The following SAMD9L variants were observed in gnomAD, a reference collection of about 807,000 sequenced individuals.
SAMD9L encodes sterile alpha motif domain-containing protein 9-like.
In SAMD9L, 68 loss-of-function variants were observed where a neutral mutation model predicts 90.7. The observed-to-expected ratio is 0.75, with a 90% CI of 0.62 to 0.92. SAMD9L has a LOEUF of 0.92. Ranked by LOEUF, SAMD9L falls within the 40% of genes least tolerant of loss-of-function variation. The pLI is 0.00. For synonymous variants in SAMD9L, 640 were observed against 630.1 expected, an observed-to-expected ratio of 1.02 and a Z score of -0.23; for missense variants, 1,604 against 1,824.3, an observed-to-expected ratio of 0.88 and a Z score of 2.20.
At position 93,132,774 on chromosome 7, in the gene SAMD9L, GTCTT is replaced by G. The variant is rs766384657; in HGVS notation, c.3194_3197del (p.Lys1065ThrfsTer6). ...TTCCTGCACTCAAGACCTTTTCAAT[GTCTT>G]TATTCTGTAAAGCTTCCATTAATGG... On this transcript the variant is annotated frameshift_variant, in exon 5 of 5. Transcript: ENST00000318238. LOFTEE classifies it high-confidence loss of function. The G allele has an allele frequency of 1.9e-6, 3 of 1,613,524 alleles. No individual in the cohort carries two copies. The African/African-American group carries it at 4.0e-5, about 22-fold the overall frequency.
intron 4 of SAMD9L, among the ~76,000 whole-genome samples, chr7:93,139,490 C>T (rs549771223): frequency 2.6e-5 from 4 of 152,156 alleles, no homozygotes; most frequent in African/African-American, 7.2e-5. Flanking sequence ...GCTTACACAC[C>T]GGGAGAACAG....
intron 3 of SAMD9L, 51 bp downstream of exon 3, chr7:93,145,334 T>C (rs933516195): frequency 1.3e-5 from 2 of 152,250 alleles, no homozygotes; most frequent in Admixed American, 6.5e-5. Flanking sequence ...TTTTTAAAGA[T>C]AGCTTTTAAA....
At position 93,135,705 on chromosome 7, in the gene SAMD9L, T is replaced by G. The variant is rs1792414437; in HGVS notation, c.267A>C (p.Gln89His). 1 of 1,614,118 alleles carries G rather than the reference T, an allele frequency of 6.2e-7. No individual in the cohort carries two copies. The highest frequency in any genetic ancestry group is 2.2e-5 in the East Asian group (1 of 44,874). The change falls in exon 5 of 5, where the codon CAA (glutamine) becomes CAC (histidine). Residue 89 changes from glutamine (Q) to histidine (H), a missense_variant. Physicochemically the swap from Gln to His is conservative, Grantham distance 24 (BLOSUM62 0). This residue lies in a region of SAMD9L where 374 missense variants were observed against 363.6 expected (regional missense o/e 1.03). Coordinates refer to ENST00000318238, the MANE Select transcript of SAMD9L (RefSeq NM_152703.5). ...TTTTGGACGGTTTTGAATTATCTAA[T>G]TGTCCCGGATCATGATTGTCACTTT... ...SPESDNHDPG[Q>H]LDNSKPSKTE...
rs10488532 is a variant in SAMD9L at position 93,135,176 on chromosome 7, C to T, written c.796G>A (p.Val266Ile). ...SKAAFIDHFN[V>I]MIKKYFEESE... ...TCTTCAAAATACTTTTTGATCATTA[C>T]ATTGAAGTGGTCAATGAAGGCAGCC... The change falls in exon 5 of 5, where the codon GTA becomes ATA. Residue 266 changes from valine to isoleucine, a missense_variant. Val to Ile is a conservative substitution (Grantham distance 29). This residue lies in a region of SAMD9L where 374 missense variants were observed against 363.6 expected (regional missense o/e 1.03). Coordinates refer to ENST00000318238, the MANE Select transcript of SAMD9L (RefSeq NM_152703.5). 180,950 of 1,613,650 alleles carry T rather than the reference C, an allele frequency of 0.11. 11,219 individuals are homozygous for T. The highest frequency in any genetic ancestry group is 0.2 in the South Asian group (18,188 of 91,072).
intron 4 of SAMD9L, among the ~76,000 whole-genome samples, chr7:93,140,412 A>G (rs887325145): frequency 5.3e-5 from 8 of 151,994 alleles, no homozygotes; most frequent in Admixed American, 2.0e-4. Flanking sequence ...TGACTGGAAC[A>G]TGGCTGGACA....
intron 4 of SAMD9L, among the ~76,000 whole-genome samples, chr7:93,141,962 A>T (rs1425013812): frequency 2.0e-5 from 3 of 152,044 alleles, no homozygotes; most frequent in African/African-American, 7.2e-5. Context: ...ACTTCTGCTC[A>T]CTTCCCTCCA....
rs376339948 is a variant in SAMD9L, at chr7:93,134,206, C to G, written c.1766G>C (p.Arg589Pro). Residue 589 changes from arginine to proline, a missense_variant, in exon 5 of 5, where the codon CGA becomes CCA. Arg to Pro is a moderately radical substitution (Grantham distance 103, BLOSUM62 -2). Transcript: ENST00000318238. ...TCTTGTTTGTAGTAGATCTTTCCAT[C>G]GTTGATAAATATGTGAGTTTACAGA... The part of the protein sequence containing the change: ...CISVNSHIYQ[R>P]WKDLLQTRMK... 1.9e-6 allele frequency: 3 copies of G among 1,612,850 alleles called. No individual in the cohort carries two copies. The highest frequency in any genetic ancestry group is 2.5e-6 in the Non-Finnish European group (3 of 1,179,448).
Position 93,134,460 on chromosome 7 carries a change from C to T in SAMD9L, c.1512G>A (p.Leu504=), listed in dbSNP as rs757878487. 1.9e-6 allele frequency: 3 copies of T among 1,613,876 alleles called. No homozygotes were observed. The highest frequency in any genetic ancestry group is 2.5e-6 in the Non-Finnish European group (3 of 1,179,924). Residue 504 remains leucine, a synonymous_variant, in exon 5 of 5, where the codon CTG becomes CTA. Coordinates refer to ENST00000318238, the MANE Select transcript of SAMD9L (RefSeq NM_152703.5). ...SWIFCNGRSD[L]KSETYKPLEP... Reference sequence around the variant, plus strand: ...CTAGAGGTTTATATGTCTCGCTTTTCAGGTCTGATCTGCCGTTGCAGAAAA... The same window carrying T: ...CTAGAGGTTTATATGTCTCGCTTTTTAGGTCTGATCTGCCGTTGCAGAAAA...
Position 93,131,237 on chromosome 7 carries a change from A to T in SAMD9L, c.4735T>A (p.Tyr1579Asn). ...LGFSIEGPLAYDIEVI is the reference protein window; with the variant it reads ...LGFSIEGPLANDIEVI ...TTGTCTTAAATTACTTCTATATCAT[A>T]TGCCAGAGGGCCTTCAATGGAAAAT... The change falls in exon 5 of 5, where the codon TAT becomes AAT. Residue 1579 changes from tyrosine to asparagine, a missense_variant. Around this residue, in one of 7 missense-constraint regions of SAMD9L, gnomAD observed 282 missense variants for 329.6 expected, o/e 0.86. Coordinates refer to ENST00000318238, the MANE Select transcript of SAMD9L (RefSeq NM_152703.5). The T allele has an allele frequency of 6.4e-7, 1 of 1,562,514 alleles. No individual in the cohort carries two copies. The highest frequency in any genetic ancestry group is 8.6e-7 in the Non-Finnish European group (1 of 1,158,456).
chr7:93,142,669 G>A (rs1262565571), intron 4 of SAMD9L, among the ~76,000 whole-genome samples: 1 of 152,218 alleles, frequency 6.6e-6, no homozygotes, highest in East Asian at 1.9e-4. Context: ...CCCTGGAGGA[G>A]ATCTCTTTCT....
Position 93,135,758 on chromosome 7 carries a change from A to C in SAMD9L, c.214T>G (p.Tyr72Asp), listed in dbSNP as rs1328606469. ...WGPALLIKRS[Y>D]NKLNSKSPES... ...GGGGACTTACTATTCAATTTGTTGT[A>C]TGAACGTTTTATCAAAAGTGCTGGA... The change falls in exon 5 of 5, where the codon TAC becomes GAC. Residue 72 changes from tyrosine to aspartate, a missense_variant. By Grantham distance (160) the Tyr-to-Asp change is radical. Around this residue, in one of 7 missense-constraint regions of SAMD9L, gnomAD observed 374 missense variants for 363.6 expected, o/e 1.03. Transcript: ENST00000318238. The C allele has an allele frequency of 6.2e-7, 1 of 1,613,932 alleles. No homozygotes were observed. The highest frequency in any genetic ancestry group is 1.7e-5 in the Admixed American group (1 of 59,970).
Position 93,146,972 on chromosome 7 carries a change from C to T in SAMD9L, c.-868G>A, listed in dbSNP as rs1026548511. ...GAGGAGGTCCCTTTTGACTCTAGGT[C>T]CCCAGTGTCTTAAGACCTTTGCTGT... On this transcript the variant is annotated 5_prime_UTR_variant, in exon 2 of 5. Transcript: ENST00000318238. The T allele has an allele frequency of 6.6e-6, 1 of 152,204 alleles. No individual in the cohort carries two copies. Among genetic ancestry groups the T allele is most frequent in the Non-Finnish European group, 1.5e-5 (1 of 68,076 alleles). 9.4% of individuals were successfully genotyped at this position (152,204 alleles called of 1,614,324 possible).
In SAMD9L at chr7:93,134,679, G is replaced by A. The variant is rs771056187; in HGVS notation, c.1293C>T (p.His431=). Residue 431 remains histidine (H), a synonymous_variant, in exon 5 of 5, where the codon CAC becomes CAT. Transcript: ENST00000318238. ...ATTTAATTTCTTTTAAAAAATCTAA[G>A]TGCTTTATTTGGTTTGGATGGCATT... ...TNKCHPNQIK[H]LDFLKEIKWF... 6.2e-7 allele frequency: 1 copy of A among 1,613,708 alleles called. No individual in the cohort carries two copies. Among genetic ancestry groups the A allele is most frequent in the East Asian group, 2.2e-5 (1 of 44,878 alleles).
At position 93,134,358 on chromosome 7, in the gene SAMD9L, C is replaced by A. The variant is rs1390310891; in HGVS notation, c.1614G>T (p.Met538Ile). ...ACACTACCAAAAATTTTCCTCTTGT[C>A]ATTATATTTTCATCTGTGAGAAATA... ...LILFLTDENI[M>I]TRGKFLVVFL... Residue 538 changes from methionine to isoleucine, a missense_variant, in exon 5 of 5, where the codon ATG (methionine) becomes ATT (isoleucine). Physicochemically the swap from Met to Ile is conservative, Grantham distance 10. Transcript: ENST00000318238. 6.2e-7 allele frequency: 1 copy of A among 1,611,436 alleles called. No individual in the cohort carries two copies. Among genetic ancestry groups the A allele is most frequent in the Non-Finnish European group, 8.5e-7 (1 of 1,179,376 alleles).
chr7:93,133,117 C>T lies in SAMD9L; in HGVS notation c.2855G>A (p.Ser952Asn), dbSNP rs765627772. The change falls in exon 5 of 5, where the codon AGT becomes AAT. Residue 952 changes from serine (S) to asparagine (N), a missense_variant. Ser to Asn is a conservative substitution (Grantham distance 46). Transcript: ENST00000318238. ...TAAGCTTTCAGGTTCCCAGGGTGTA[C>T]TAGTGTATATGATTCCCAAAAATAT... is the stretch of plus-strand genomic sequence containing the variant. ...CEIFLGIIYT[S>N]TPWEPESLED... is the part of the protein sequence containing the mutation. 1.2e-6 allele frequency: 2 copies of T among 1,612,990 alleles called. No individual in the cohort carries two copies. Among genetic ancestry groups the T allele is most frequent in the South Asian group, 1.1e-5 (1 of 91,042 alleles).
rs1792377469 is a variant in SAMD9L, at chr7:93,135,261, G to C, written c.711C>G (p.Ile237Met). ...ACMNSRTNGT[I>M]HFGVKDKPHG... ...GGGGTTTGTCCTTGACTCCAAAATG[G>C]ATGGTGCCATTGGTGCGTGAATTCA... is the stretch of plus-strand genomic sequence containing the variant. The change falls in exon 5 of 5, where the codon ATC becomes ATG. Residue 237 changes from isoleucine to methionine, a missense_variant. Physicochemically the swap from Ile to Met is conservative, Grantham distance 10 (BLOSUM62 1). Around this residue, in one of 7 missense-constraint regions of SAMD9L, gnomAD observed 374 missense variants for 363.6 expected, o/e 1.03. Transcript: ENST00000318238. 2 of 1,613,994 alleles carry C rather than the reference G, an allele frequency of 1.2e-6. No homozygotes were observed. Among genetic ancestry groups the C allele is most frequent in the Non-Finnish European group, 1.7e-6 (2 of 1,179,984 alleles).
chr7:93,134,584 C>A lies in SAMD9L; in HGVS notation c.1388G>T (p.Arg463Leu). ...ATTTGGAAAGTGAAGGTTTGCCACC[C>A]GACTTTCTTTGTAAGCTTTGACCAC... The part of the protein sequence containing the change: ...NGVVKAYKES[R>L]VANLHFPNQY... Residue 463 changes from arginine (R) to leucine (L), a missense_variant, in exon 5 of 5, where the codon CGG becomes CTG. Physicochemically the swap from Arg to Leu is moderately radical, Grantham distance 102. Around this residue, in one of 7 missense-constraint regions of SAMD9L, gnomAD observed 606 missense variants for 717.6 expected, o/e 0.84. Coordinates refer to ENST00000318238, the MANE Select transcript of SAMD9L (RefSeq NM_152703.5). 6.2e-7 allele frequency: 1 copy of A among 1,613,896 alleles called. No individual in the cohort carries two copies. Among genetic ancestry groups the A allele is most frequent in the Non-Finnish European group, 8.5e-7 (1 of 1,179,882 alleles).
chr7:93,143,667 T>C (rs577319428), intron 4 of SAMD9L, among the ~76,000 whole-genome samples: 11 of 152,220 alleles, frequency 7.2e-5, no homozygotes, highest in African/African-American at 1.9e-4. Flanking sequence ...ATAAAAATAT[T>C]TCTCAGCCAG....
chr7:93,147,365 A>C (rs76687487), intron 1 of SAMD9L, among the ~76,000 whole-genome samples: 1,685 of 152,318 alleles, frequency 0.011, 26 homozygotes, highest in African/African-American at 0.039. Flanking sequence ...ATCTTTAGCA[A>C]CGTTGGTTAT....
Sources: gnomAD v4.1 joint callset for allele counts (sites outside exome capture counted in the v4.1 genomes callset) on GRCh38, gnomAD v4.1.1 for gene constraint, gnomAD v4.1.1 regional missense constraint, MANE v1.5 for transcripts, NCBI Gene and HGNC (gene_info 2026-07-23, HGNC 2026-07-21) for gene names.